The following CHST11 variants were observed in gnomAD, a reference collection of about 807,000 sequenced individuals.
CHST11 encodes the protein carbohydrate sulfotransferase 11, also known as C4S-1.
A neutral mutation model predicts 30.4 loss-of-function variants in CHST11; 9 were observed. That is an observed-to-expected ratio of 0.30 (90% confidence interval 0.18 to 0.52). The LOEUF (loss-of-function observed/expected upper bound fraction) is 0.52. CHST11 is among the 20% of genes least tolerant of loss of function. The pLI, the probability that CHST11 is intolerant of heterozygous loss-of-function variation, is 0.97. For missense variants in CHST11, 348 were observed against 460.6 expected (o/e 0.76, Z 2.24); for synonymous variants, 152 against 187.8 (o/e 0.81, Z 1.56).
intron 2 of CHST11, among the ~76,000 whole-genome samples, chr12:104,671,511 G>T (rs1296348926): frequency 6.6e-6 from 1 of 152,106 alleles, no homozygotes; most frequent in Non-Finnish European, 1.5e-5. Context: ...GAAGCTCTTA[G>T]CCCACTGCAC....
chr12:104,646,328 T>C (rs1203530262), intron 2 of CHST11, among the ~76,000 whole-genome samples: 2 of 152,170 alleles, frequency 1.3e-5, no homozygotes, highest in Non-Finnish European at 2.9e-5. Context: ...AACACCTACT[T>C]AGTCTTCAGA....
At chr12:104,590,441 G>A (rs1378468540) in intron 1 of CHST11, among the ~76,000 whole-genome samples, 1 of 152,192 alleles carries the variant, frequency 6.6e-6, no homozygotes, top group Non-Finnish European at 1.5e-5. Flanking sequence ...TTTGGGAAAG[G>A]CACTTCCATT....
intron 1 of CHST11, among the ~76,000 whole-genome samples, chr12:104,520,716 A>G (rs1279076625): frequency 6.6e-6 from 1 of 152,072 alleles, no homozygotes; most frequent in African/African-American, 2.4e-5. Context: ...CTGGAGGCTA[A>G]ATCTGTCCCA....
chr12:104,733,716 A>T (rs182504190), intron 2 of CHST11, among the ~76,000 whole-genome samples: 5 of 152,370 alleles, frequency 3.3e-5, no homozygotes, highest in Admixed American at 3.3e-4. Context: ...AGGTGAAGTA[A>T]CTTGCCTAAG....
intron 1 of CHST11, among the ~76,000 whole-genome samples, chr12:104,544,723 G>GA (rs1361733703): frequency 7.7e-5 from 9 of 117,052 alleles, no homozygotes; most frequent in Non-Finnish European, 5.0e-5. Context: ...AAAAAAAAAA[G>GA]AAATCAGAAA....
At chr12:104,752,509 T>C (rs138737602) in intron 2 of CHST11, among the ~76,000 whole-genome samples, 17 of 17,124 alleles carry the variant, frequency 9.9e-4, no homozygotes, top group African/African-American at 2.4e-3. Context: ...TATTTACTTA[T>C]TTATTTATTT....
chr12:104,637,265 A>G (rs2039331191), intron 2 of CHST11, among the ~76,000 whole-genome samples: 1 of 135,768 alleles, frequency 7.4e-6, no homozygotes, highest in Admixed American at 8.1e-5. Context: ...GATTGCACCA[A>G]CAGCATTCCA....
intron 1 of CHST11, among the ~76,000 whole-genome samples, chr12:104,481,780 T>TTTACTTCCTTCC (rs59114695): frequency 0.1 from 15,139 of 150,742 alleles, 942 homozygotes; most frequent in East Asian, 0.27. Context: ...TCCTTCCTTC[T>TTTACTTCCTTCC]TTCCTTCCTT....
At chr12:104,603,104 G>C (rs554413729) in intron 2 of CHST11, among the ~76,000 whole-genome samples, 112 of 152,238 alleles carry the variant, frequency 7.4e-4, no homozygotes, top group Non-Finnish European at 1.2e-3. Context: ...TACTGGGTTC[G>C]GTGGTGACTC....
In CHST11 at chr12:104,544,769, T is replaced by TCCCCCCCCCCCCC. The variant is rs199741884; in HGVS notation, c.119-57131_119-57130insCCCCCCCCCCCCC. ...CAATGATGTGCCCTGGGGGTCACAGTCCCCCCACCCCGGAGATAATGGATT... is the reference window on the plus strand; with the variant it reads ...CAATGATGTGCCCTGGGGGTCACAGTCCCCCCCCCCCCCCCCCCCACCCCGGAGATAATGGATT... On this transcript the variant is annotated intron_variant, in intron 1 of 2. Coordinates refer to ENST00000303694, the MANE Select transcript of CHST11 (RefSeq NM_018413.6). 1.4e-3 allele frequency among the ~76,000 whole-genome samples: 72 copies of TCCCCCCCCCCCCC among 51,270 alleles called. 7 individuals are homozygous for TCCCCCCCCCCCCC. The East Asian group carries it at 0.045, about 32-fold the overall frequency. 33.6% of individuals were successfully genotyped at this position (51,270 alleles called of 152,430 possible).
chr12:104,755,354 G>T (rs2040466150), intron 2 of CHST11, among the ~76,000 whole-genome samples: 1 of 152,192 alleles, frequency 6.6e-6, no homozygotes, highest in African/African-American at 2.4e-5. Flanking sequence ...GAAGTGAGTG[G>T]CCACAGGAGT....
rs1165271194 is a variant in CHST11 at position 104,557,412 on chromosome 12, TG to T, written c.119-44493del. 5.9e-5 allele frequency among the ~76,000 whole-genome samples: 9 copies of T among 151,954 alleles called. No homozygotes were observed. In the East Asian group the frequency reaches 1.6e-3, roughly 26 times the overall value. ...CTGATCCTGGACTAGGCAGAGCCATTGAAGGAGCTGAAGTGGAGGTGTGTAT... is the reference window on the plus strand; with the variant it reads ...CTGATCCTGGACTAGGCAGAGCCATTAAGGAGCTGAAGTGGAGGTGTGTAT... On this transcript the variant is annotated intron_variant, in intron 1 of 2. Transcript: ENST00000303694.
chr12:104,740,857 C>T (rs2040341107), intron 2 of CHST11, among the ~76,000 whole-genome samples: 1 of 152,238 alleles, frequency 6.6e-6, no homozygotes, highest in South Asian at 2.1e-4. Flanking sequence ...CCTCAGTGAA[C>T]AGCAGATGGA....
At chr12:104,568,374 G>A (rs1417432864) in intron 1 of CHST11, among the ~76,000 whole-genome samples, 2 of 152,176 alleles carry the variant, frequency 1.3e-5, no homozygotes, top group Non-Finnish European at 2.9e-5. Flanking sequence ...TGCCTCCTTA[G>A]CCCTCAGCCC....
chr12:104,527,162 A>T (rs1006449099), intron 1 of CHST11, among the ~76,000 whole-genome samples: 1 of 152,206 alleles, frequency 6.6e-6, no homozygotes, highest in African/African-American at 2.4e-5. Context: ...TTAAGGTAAA[A>T]TGGGGTCATT....
chr12:104,656,872 G>T (rs139608111), intron 2 of CHST11, among the ~76,000 whole-genome samples: 1 of 152,116 alleles, frequency 6.6e-6, no homozygotes, highest in Non-Finnish European at 1.5e-5. Context: ...AGGTGTTAAG[G>T]CTACAGAGGT....
At chr12:104,492,378 G>A (rs2037755863) in intron 1 of CHST11, among the ~76,000 whole-genome samples, 1 of 152,112 alleles carries the variant, frequency 6.6e-6, no homozygotes, top group South Asian at 2.1e-4. Context: ...TTATTTTAAA[G>A]GCATGTATCA....
intron 2 of CHST11, among the ~76,000 whole-genome samples, chr12:104,715,502 C>T (rs1592854595): frequency 6.6e-6 from 1 of 152,228 alleles, no homozygotes; most frequent in Admixed American, 6.5e-5. Context: ...AAGCTAAACA[C>T]TTTATATTGT....
intron 2 of CHST11, among the ~76,000 whole-genome samples, chr12:104,622,676 C>CT (rs898947419): frequency 2.2e-4 from 33 of 152,298 alleles, no homozygotes; most frequent in African/African-American, 7.7e-4. Flanking sequence ...CAGGCACTAG[C>CT]TGGGTGACTT....
Sources: gnomAD v4.1 joint callset for allele counts (sites outside exome capture counted in the v4.1 genomes callset) on GRCh38, gnomAD v4.1.1 for gene constraint, MANE v1.5 for transcripts, NCBI Gene and HGNC (gene_info 2026-07-23, HGNC 2026-07-21) for gene names.